The following GNG2 variants were observed in gnomAD, a reference collection of about 807,000 sequenced individuals.
The protein encoded by GNG2 is guanine nucleotide-binding protein G(I)/G(S)/G(O) subunit gamma-2.
In GNG2, 5 loss-of-function variants were observed where a neutral mutation model predicts 5.5. That is an observed-to-expected ratio of 0.91 (90% CI 0.48 to 1.92). The LOEUF is 1.92. Ranked by LOEUF, GNG2 falls within the 30% of genes most tolerant of loss-of-function variation. The pLI, the probability that GNG2 is intolerant of heterozygous loss-of-function variation, is 0.01. For synonymous variants in GNG2, 28 were observed against 32.0 expected, an observed-to-expected ratio of 0.88 and a Z score of 0.42; for missense variants, 55 against 88.4, an observed-to-expected ratio of 0.62 and a Z score of 1.52.
At chr14:51,946,668 T>C (rs1888661220) in intron 2 of GNG2, among the ~76,000 whole-genome samples, 1 of 152,146 alleles carries the variant, frequency 6.6e-6, no homozygotes, top group African/African-American at 2.4e-5. Context: ...CCTCCAGCCC[T>C]ACTCCCTCAC....
chr14:51,837,903 T>C (rs1482427620), intron 2 of GNG2, among the ~76,000 whole-genome samples: 1 of 152,184 alleles, frequency 6.6e-6, no homozygotes, highest in Non-Finnish European at 1.5e-5. Context: ...TATTGCTCTT[T>C]GACGAGAATT....
chr14:51,917,602 G>A (rs1330955988), intron 2 of GNG2: 1 of 295,514 alleles, frequency 3.4e-6, no homozygotes, highest in African/African-American at 2.2e-5. Context: ...AGGGAGATGT[G>A]TTGTTCCCTG....
intron 2 of GNG2, among the ~76,000 whole-genome samples, chr14:51,854,951 G>A (rs771319914): frequency 6.6e-6 from 1 of 151,962 alleles, no homozygotes; most frequent in Non-Finnish European, 1.5e-5. Context: ...TCCTCCAGCC[G>A]CCTTCTTCAA....
At chr14:51,847,907 TTGTAAAATG>T (rs1881709285) in intron 2 of GNG2, among the ~76,000 whole-genome samples, 1 of 67,922 alleles carries the variant, frequency 1.5e-5, no homozygotes, top group South Asian at 6.9e-4. Flanking sequence ...TTTTTTTTTT[TTGTAAAATG>T]AAAAATTACC....
chr14:51,878,960 T>C (rs1202246640), intron 2 of GNG2, among the ~76,000 whole-genome samples: 3 of 152,192 alleles, frequency 2.0e-5, no homozygotes, highest in Admixed American at 6.5e-5. Flanking sequence ...AGTTTGTCAA[T>C]GGGGTTTGCT....
chr14:51,842,916 C>T (rs904895817), intron 2 of GNG2, among the ~76,000 whole-genome samples: 2 of 152,114 alleles, frequency 1.3e-5, no homozygotes, highest in Admixed American at 1.3e-4. Flanking sequence ...CTGCCCGCCT[C>T]GGTTTCCAGA....
intron 3 of GNG2, among the ~76,000 whole-genome samples, chr14:51,960,989 G>A (rs1889580920): frequency 6.6e-6 from 1 of 152,122 alleles, no homozygotes; most frequent in African/African-American, 2.4e-5. Context: ...CTCCCCTAGT[G>A]TAATTCTTTC....
chr14:51,848,306 C>T (rs957533236), intron 2 of GNG2, among the ~76,000 whole-genome samples: 1 of 152,184 alleles, frequency 6.6e-6, no homozygotes, highest in Admixed American at 6.5e-5. Context: ...TCTCACAATG[C>T]AAGTCAGATC....
In GNG2 at chr14:51,932,639, A is replaced by T. The variant is rs560781886; in HGVS notation, c.-29-18011A>T. The stretch of plus-strand genomic sequence containing the variant: ...ACTCTGTCTCTAAAATAAATTAATA[A>T]AATAAAAATAATTGTGGTTGGTAAA... On this transcript the variant is annotated intron_variant, in intron 2 of 3. Coordinates refer to ENST00000556766, the MANE Select transcript of GNG2 (RefSeq NM_053064.5). Among the ~76,000 whole-genome samples the T allele has an allele frequency of 1.1e-3, 173 of 152,234 alleles. 4 individuals carry two copies. In the South Asian group the frequency reaches 0.034, roughly 30 times the overall value.
chr14:51,948,695 T>C (rs1594950670), intron 2 of GNG2, among the ~76,000 whole-genome samples: 1 of 152,304 alleles, frequency 6.6e-6, no homozygotes, highest in East Asian at 1.9e-4. Flanking sequence ...CTCCTTTTAT[T>C]ATTTTGTTTT....
At chr14:51,946,114 A>G (rs78503229) in intron 2 of GNG2, among the ~76,000 whole-genome samples, 2,060 of 152,296 alleles carry the variant, frequency 0.014, 55 homozygotes, top group African/African-American at 0.047. Flanking sequence ...CTTGGGGTGT[A>G]ATGTTTCGTT....
intron 2 of GNG2, among the ~76,000 whole-genome samples, chr14:51,828,519 G>A (rs1427051749): frequency 1.3e-5 from 2 of 152,264 alleles, no homozygotes; most frequent in East Asian, 3.9e-4. Flanking sequence ...ACAACAAGGA[G>A]ATAATCACAA....
At chr14:51,905,929 C>G (rs924014496) in intron 2 of GNG2, among the ~76,000 whole-genome samples, 1 of 152,224 alleles carries the variant, frequency 6.6e-6, no homozygotes, top group Non-Finnish European at 1.5e-5. Flanking sequence ...TTCCTGAGGC[C>G]TCCCCAGCCG....
intron 2 of GNG2, among the ~76,000 whole-genome samples, chr14:51,845,524 T>C (rs1248533289): frequency 6.6e-6 from 1 of 152,124 alleles, no homozygotes; most frequent in Non-Finnish European, 1.5e-5. Context: ...ATCTTTAAAC[T>C]ATAATTAGAT....
chr14:51,877,479 C>A (rs985163518), intron 1 of GNG2, 138 bp from the exon 2 acceptor site: 1 of 302,030 alleles, frequency 3.3e-6, no homozygotes, highest in South Asian at 2.8e-5. Context: ...ACCTGTGAGA[C>A]CTCCTGCCCT....
chr14:51,865,396 T>G (rs923113011), intron 1 of GNG2, among the ~76,000 whole-genome samples: 1 of 152,116 alleles, frequency 6.6e-6, no homozygotes, highest in Non-Finnish European at 1.5e-5. Context: ...TATACATGTA[T>G]CAAAACATCA....
At position 51,831,187 on chromosome 14, in the gene GNG2, G is replaced by A. The variant is rs191535504; in HGVS notation, c.64+3380G>A. ...ATGTCACATTCCCAGAGGCCCCTGC[G>A]TTTAATATTACTATAAACCTCCTCC... On this transcript the variant is annotated intron_variant, in intron 2 of 3. Transcript: ENST00000553432. 3.5e-4 allele frequency among the ~76,000 whole-genome samples: 54 copies of A among 152,250 alleles called. 1 individual carries two copies. The East Asian group carries it at 4.6e-3, about 13-fold the overall frequency.
chr14:51,922,722 C>T (rs1379111545), intron 2 of GNG2, among the ~76,000 whole-genome samples: 1 of 151,994 alleles, frequency 6.6e-6, no homozygotes, highest in African/African-American at 2.4e-5. Context: ...GAGTAAGAAA[C>T]AAAAAAGCCT....
intron 2 of GNG2, among the ~76,000 whole-genome samples, chr14:51,942,596 T>C (rs1224621186): frequency 1.0e-4 from 14 of 137,864 alleles, no homozygotes; most frequent in East Asian, 4.1e-4. Context: ...TTTCTTTTTT[T>C]TTTTTTTTTT....
Sources: allele counts gnomAD v4.1 joint callset (sites outside exome capture counted in the v4.1 genomes callset), GRCh38; gene constraint gnomAD v4.1.1; transcripts MANE v1.5; gene names NCBI Gene and HGNC (gene_info 2026-07-23, HGNC 2026-07-21).